The following NVL variants were observed in gnomAD, a reference collection of about 807,000 sequenced individuals.
NVL encodes the protein nuclear VCP like, also known as nuclear valosin-containing protein-like.
NVL carries 84 observed loss-of-function variants against 110.2 expected under a neutral mutation model. That is an observed-to-expected ratio of 0.76 (90% CI 0.64 to 0.91). The LOEUF (loss-of-function observed/expected upper bound fraction) is 0.91. Among genes scored for constraint, NVL ranks in the 40% least tolerant of loss-of-function variants. NVL has a pLI of 0.00. For missense variants in NVL, 882 were observed against 1,035.9 expected, an observed-to-expected ratio of 0.85 and a Z score of 2.04; for synonymous variants, 354 against 361.1, an observed-to-expected ratio of 0.98 and a Z score of 0.22.
At chr1:224,285,240 G>A (rs1412585842) in intron 15 of NVL, among the ~76,000 whole-genome samples, 1 of 152,116 alleles carries the variant, frequency 6.6e-6, no homozygotes, top group Non-Finnish European at 1.5e-5. Context: ...TTCGAGACCA[G>A]CCTAACCAAC....
At chr1:224,266,070 C>T (rs979812533) in intron 18 of NVL, among the ~76,000 whole-genome samples, 7 of 152,274 alleles carry the variant, frequency 4.6e-5, no homozygotes, top group East Asian at 1.9e-4. Flanking sequence ...ATAATTTTAG[C>T]ATTTTCTGTC....
chr1:224,274,749 G>C (rs972208462), intron 17 of NVL, among the ~76,000 whole-genome samples: 2 of 152,150 alleles, frequency 1.3e-5, no homozygotes, highest in Non-Finnish European at 2.9e-5. Context: ...TTATACAATA[G>C]CACTCCTAAT....
chr1:224,286,353 A>G (rs531829399), intron 14 of NVL, among the ~76,000 whole-genome samples: 1 of 151,948 alleles, frequency 6.6e-6, no homozygotes, highest in African/African-American at 2.4e-5. Flanking sequence ...CTACAGGCAC[A>G]TGCCACCACG....
At chr1:224,312,962 A>G (rs1020339681) in intron 4 of NVL, 6 of 170,742 alleles carry the variant, frequency 3.5e-5, no homozygotes, top group African/African-American at 1.2e-4. Context: ...TACAAATTCT[A>G]GCCTGGGCAA....
intron 19 of NVL, among the ~76,000 whole-genome samples, chr1:224,237,612 C>T (rs1008963028): frequency 7.2e-5 from 11 of 152,266 alleles, no homozygotes; most frequent in Non-Finnish European, 1.2e-4. Context: ...GGGTATTGCT[C>T]TGTCGCCCAG....
At chr1:224,280,187 T>G (rs531626383) in intron 16 of NVL, among the ~76,000 whole-genome samples, 2 of 150,886 alleles carry the variant, frequency 1.3e-5, no homozygotes, top group South Asian at 2.1e-4. Flanking sequence ...TTGTTTTTTT[T>G]TTTTTTGCTG....
intron 19 of NVL, among the ~76,000 whole-genome samples, chr1:224,241,877 A>C (rs1010641800): frequency 3.4e-5 from 5 of 149,246 alleles, no homozygotes; most frequent in African/African-American, 1.2e-4. Flanking sequence ...AAATAAAAAG[A>C]AAAAGAAAAA....
chr1:224,274,851 T>C (rs1041478104), intron 17 of NVL, among the ~76,000 whole-genome samples: 4 of 152,318 alleles, frequency 2.6e-5, no homozygotes, highest in African/African-American at 7.2e-5. Context: ...ATCAATTTTA[T>C]ATCTTCTCCA....
intron 4 of NVL, among the ~76,000 whole-genome samples, chr1:224,315,733 G>T (rs571414555): frequency 6.6e-6 from 1 of 152,096 alleles, no homozygotes; most frequent in African/African-American, 2.4e-5. Context: ...ATTTAACAAG[G>T]GAAATGAAAA....
chr1:224,244,797 T>C (rs960838883), intron 19 of NVL, among the ~76,000 whole-genome samples: 3 of 151,812 alleles, frequency 2.0e-5, no homozygotes, highest in Non-Finnish European at 4.4e-5. Context: ...AAGTGATTCT[T>C]TTGCCTCAGC....
Position 224,294,003 on chromosome 1 carries a change from C to T in NVL, c.1325+264G>A, listed in dbSNP as rs1027420609. Among the ~76,000 whole-genome samples, 59 of 152,122 alleles carry T rather than the reference C, an allele frequency of 3.9e-4. 2 individuals are homozygous for T. The highest frequency in any genetic ancestry group is 4.4e-5 in the Non-Finnish European group (3 of 68,036). On this transcript the variant is annotated intron_variant, in intron 12 of 22. Coordinates refer to ENST00000281701, the MANE Select transcript of NVL (RefSeq NM_002533.4). Reference sequence around the variant, plus strand: ...TATTTTTTGTAGAGACAGGGTCACACTATGTTGCCCAGGCTCAAAATCCTG... The same window carrying T: ...TATTTTTTGTAGAGACAGGGTCACATTATGTTGCCCAGGCTCAAAATCCTG...
intron 19 of NVL, among the ~76,000 whole-genome samples, chr1:224,243,924 T>G (rs1283953475): frequency 6.6e-6 from 1 of 151,820 alleles, no homozygotes; most frequent in Non-Finnish European, 1.5e-5. Context: ...TCTCCCAAAG[T>G]GCTGGATTAC....
At chr1:224,307,315 TGAAAA>T (rs1669023265) in intron 6 of NVL, among the ~76,000 whole-genome samples, 1 of 152,234 alleles carries the variant, frequency 6.6e-6, no homozygotes, top group South Asian at 2.1e-4. Context: ...GAGATGAAAC[TGAAAA>T]GAAAGTCAGG....
chr1:224,303,984 C>G (rs569913613), intron 8 of NVL, 127 bp from the exon 9 acceptor site: 230 of 1,023,620 alleles, frequency 2.2e-4, no homozygotes, highest in Admixed American at 7.4e-4. Context: ...TTAGATCAGA[C>G]TTTGAATCCT....
intron 17 of NVL, among the ~76,000 whole-genome samples, chr1:224,273,360 C>A (rs1222983498): frequency 1.3e-5 from 2 of 151,250 alleles, no homozygotes; most frequent in Non-Finnish European, 2.9e-5. Flanking sequence ...TTGCAGTGAG[C>A]TGAGATAGTG....
intron 17 of NVL, among the ~76,000 whole-genome samples, chr1:224,274,035 A>AACACACAGACAC (rs1665477292): frequency 6.9e-6 from 1 of 145,540 alleles, no homozygotes; most frequent in Admixed American, 7.0e-5. Flanking sequence ...ATGACCTAAC[A>AACACACAGACAC]ACACACACAC....
At chr1:224,239,752 T>C (rs1660949305) in intron 19 of NVL, among the ~76,000 whole-genome samples, 1 of 152,168 alleles carries the variant, frequency 6.6e-6, no homozygotes, top group African/African-American at 2.4e-5. Context: ...CTTCATCAAA[T>C]TGTATTTAAT....
chr1:224,275,143 CA>C (rs1335744946), intron 17 of NVL, among the ~76,000 whole-genome samples, 195 bp downstream of exon 17: 1 of 152,040 alleles, frequency 6.6e-6, no homozygotes, highest in African/African-American at 2.4e-5. Flanking sequence ...AAATAATGTA[CA>C]GGAAAAAAAC....
rs79298393 is a variant in NVL, at chr1:224,288,327, C to G, written c.1576-334G>C. Among the ~76,000 whole-genome samples the G allele has an allele frequency of 5.9e-5, 9 of 152,134 alleles. No homozygotes were observed. In the East Asian group the frequency reaches 1.7e-3, roughly 29 times the overall value. ...TTCCCATGTTTCATTTATAAATATT[C>G]AAGAAACAGTTGAATCCTGATGAAA... On this transcript the variant is annotated intron_variant, in intron 13 of 22. Coordinates refer to ENST00000281701, the MANE Select transcript of NVL (RefSeq NM_002533.4).
Sources: gnomAD v4.1 joint callset for allele counts (sites outside exome capture counted in the v4.1 genomes callset) on GRCh38, gnomAD v4.1.1 for gene constraint, MANE v1.5 for transcripts, NCBI Gene and HGNC (gene_info 2026-07-23, HGNC 2026-07-21) for gene names.